SCAPER: variants seen among roughly 807,000 people sequenced by gnomAD.
SCAPER encodes the protein S phase cyclin A-associated protein in the endoplasmic reticulum.
A neutral mutation model predicts 182.2 loss-of-function variants in SCAPER; 98 were observed. The ratio of observed to expected loss-of-function variants is 0.54; its 90% CI spans 0.46 to 0.64. The LOEUF is 0.64. Ranked by LOEUF, SCAPER falls within the 30% of genes least tolerant of loss-of-function variation. The probability of loss-of-function intolerance (pLI) is 0.00; values close to 1 mark genes in which losing one functional copy is unlikely to be tolerated. For missense variants in SCAPER, 1,432 were observed against 1,690.0 expected, an observed-to-expected ratio of 0.85 and a Z score of 2.68; for synonymous variants, 605 against 564.6, an observed-to-expected ratio of 1.07 and a Z score of -1.01.
rs537693159 is a variant in SCAPER, at chr15:76,795,954, G to A, written c.612-514C>T. On this transcript the variant is annotated intron_variant, in intron 7 of 31. Transcript: ENST00000563290. ...TGTGCACCTGTAATCCCAGCTACTC[G>A]AGAGACTGAGGCATGAGAATTGCTT... 5.9e-5 allele frequency among the ~76,000 whole-genome samples: 9 copies of A among 152,208 alleles called. No individual in the cohort carries two copies. The East Asian group carries it at 1.7e-3, about 29-fold the overall frequency.
intron 1 of SCAPER, among the ~76,000 whole-genome samples, chr15:76,895,965 G>A (rs559913448): frequency 1.6e-4 from 25 of 151,770 alleles, no homozygotes; most frequent in East Asian, 1.9e-4. Context: ...GTGTGAACCC[G>A]GGAGGCAGAG....
intron 29 of SCAPER, among the ~76,000 whole-genome samples, chr15:76,373,040 C>CTTTATTTA (rs60225060): frequency 6.8e-6 from 1 of 148,118 alleles, no homozygotes; most frequent in African/African-American, 2.5e-5. Flanking sequence ...TTTCCTTTTT[C>CTTTATTTA]TTTCTTTCTT....
Position 76,354,269 on chromosome 15 carries a change from G to A in SCAPER, c.3856-129C>T, listed in dbSNP as rs2040805914. On this transcript the variant is annotated intron_variant, in intron 29 of 31. Coordinates refer to ENST00000563290, the MANE Select transcript of SCAPER (RefSeq NM_020843.4). This position sits in a 1 kb window ranked among gnomAD's most constrained non-coding sequence, Gnocchi z 4.4. ...TGTAAAGAAAAAGACTCCTGACTCC[G>A]TACCAGAGCTTAATTTAAGTGATAC... 1.5e-5 allele frequency: 10 copies of A among 672,098 alleles called. No homozygotes were observed. Among genetic ancestry groups the A allele is most frequent in the Non-Finnish European group, 2.1e-5 (9 of 434,202 alleles). The allele number at this position is 672,098 out of a possible 1,614,324, so 41.6% of individuals were successfully genotyped here. A position where few individuals can be genotyped will look rare whatever the true frequency, so the allele number is the denominator to read the frequency against.
chr15:76,472,463 C>CT (rs972171601), intron 24 of SCAPER: 46 of 468,648 alleles, frequency 9.8e-5, no homozygotes, highest in East Asian at 4.2e-4. Context: ...ATTTGTTTTA[C>CT]TTTTTTTTAC....
chr15:76,397,474 CTTTTTTTTTTTTT>C (rs71143321), intron 27 of SCAPER, among the ~76,000 whole-genome samples: 2 of 71,542 alleles, frequency 2.8e-5, no homozygotes, highest in Admixed American at 2.1e-4. Flanking sequence ...TATTGGCAGA[CTTTTTTTTTTTTT>C]TTTTTTTTTT....
intron 29 of SCAPER, among the ~76,000 whole-genome samples, chr15:76,371,371 G>A (rs886992997): frequency 2.0e-5 from 3 of 150,662 alleles, no homozygotes; most frequent in Non-Finnish European, 4.4e-5. Context: ...CCAGGCTGGA[G>A]TGCAGTGGCG....
chr15:76,666,283 G>A (rs2056572097), intron 20 of SCAPER, among the ~76,000 whole-genome samples: 2 of 152,164 alleles, frequency 1.3e-5, no homozygotes, highest in Non-Finnish European at 2.9e-5. Context: ...CCTGTGAGTA[G>A]GGTGAGGCTG....
At chr15:76,488,490 T>C (rs1360196598) in intron 24 of SCAPER, among the ~76,000 whole-genome samples, 2 of 152,122 alleles carry the variant, frequency 1.3e-5, no homozygotes, top group Non-Finnish European at 2.9e-5. Flanking sequence ...ACTAGTAACA[T>C]GGTCAGAACA....
At chr15:76,365,880 C>T (rs530528015) in intron 29 of SCAPER, among the ~76,000 whole-genome samples, 108 of 152,234 alleles carry the variant, frequency 7.1e-4, no homozygotes, top group Non-Finnish European at 1.0e-3. Flanking sequence ...CTATGGCAAT[C>T]GTGCACTTAT....
chr15:76,369,244 G>A (rs997094232), intron 29 of SCAPER, among the ~76,000 whole-genome samples: 1 of 152,162 alleles, frequency 6.6e-6, no homozygotes, highest in Non-Finnish European at 1.5e-5. Flanking sequence ...AAAGACACAA[G>A]CTGCTTTCCC....
intron 4 of SCAPER, among the ~76,000 whole-genome samples, chr15:76,845,219 C>T (rs185625591): frequency 3.0e-4 from 45 of 152,074 alleles, no homozygotes; most frequent in Non-Finnish European, 5.7e-4. Context: ...AGGAACATAC[C>T]CCAACATAAT....
chr15:76,463,372 T>A (rs1291726103), intron 25 of SCAPER, among the ~76,000 whole-genome samples: 1 of 152,166 alleles, frequency 6.6e-6, no homozygotes, highest in African/African-American at 2.4e-5. Flanking sequence ...GCTCTGCACA[T>A]GACTAAGTGA....
intron 5 of SCAPER, among the ~76,000 whole-genome samples, chr15:76,810,581 G>C (rs1186849089): frequency 1.6e-5 from 2 of 124,898 alleles, no homozygotes; most frequent in Non-Finnish European, 3.4e-5. Flanking sequence ...ACACACAAAA[G>C]AAGAGAGCAA....
intron 11 of SCAPER, among the ~76,000 whole-genome samples, chr15:76,766,266 T>C (rs2063110787): frequency 6.6e-6 from 1 of 152,060 alleles, no homozygotes; most frequent in Non-Finnish European, 1.5e-5. Flanking sequence ...CCAGCTAATT[T>C]TTGTATTTTT....
chr15:76,486,712 G>C (rs1454650857), intron 24 of SCAPER, among the ~76,000 whole-genome samples: 1 of 152,200 alleles, frequency 6.6e-6, no homozygotes, highest in East Asian at 1.9e-4. Flanking sequence ...CAAGGTTGTG[G>C]AGAAAATGGA....
chr15:76,720,657 A>C (rs1481175556), intron 17 of SCAPER, among the ~76,000 whole-genome samples: 2 of 152,086 alleles, frequency 1.3e-5, no homozygotes, highest in African/African-American at 2.4e-5. Context: ...TGTGGTTTTG[A>C]TTTGCATTTC....
chr15:76,629,506 T>C (rs1284771484), intron 21 of SCAPER, among the ~76,000 whole-genome samples: 1 of 152,256 alleles, frequency 6.6e-6, no homozygotes, highest in Non-Finnish European at 1.5e-5. Context: ...TTTCTGTGTC[T>C]ATTGAGATAA....
At chr15:76,836,131 C>T (rs775238128) in intron 5 of SCAPER, among the ~76,000 whole-genome samples, 51 of 151,990 alleles carry the variant, frequency 3.4e-4, no homozygotes, top group Non-Finnish European at 6.2e-4. Context: ...AGATTCAATG[C>T]CAAACTACCA....
chr15:76,648,924 T>C (rs572820215), intron 21 of SCAPER, among the ~76,000 whole-genome samples: 2 of 152,312 alleles, frequency 1.3e-5, no homozygotes, highest in Non-Finnish European at 2.9e-5. Flanking sequence ...CCTATCTGCA[T>C]AATAAAAGAT....
Sources: allele counts gnomAD v4.1 joint callset (sites outside exome capture counted in the v4.1 genomes callset), GRCh38; gene constraint gnomAD v4.1.1; non-coding constraint Gnocchi (gnomAD v3.1); transcripts MANE v1.5; gene names NCBI Gene and HGNC (gene_info 2026-07-23, HGNC 2026-07-21).